APLF: variants seen among roughly 807,000 people sequenced by gnomAD.
APLF encodes the protein aprataxin and PNKP like factor, also known as aprataxin and PNK-like factor.
A neutral mutation model predicts 55.6 loss-of-function variants in APLF; 61 were observed. That is an observed-to-expected ratio of 1.10 (90% confidence interval 0.89 to 1.36). The LOEUF (loss-of-function observed/expected upper bound fraction) is 1.36. Ranked by LOEUF, APLF falls within the 40% of genes most tolerant of loss-of-function variation. APLF has a pLI of 0.00. For missense variants in APLF, 611 were observed against 602.5 expected, an observed-to-expected ratio of 1.01 and a Z score of -0.15; for synonymous variants, 207 against 214.8, an observed-to-expected ratio of 0.96 and a Z score of 0.32.
chr2:68,503,243 A>T (rs958379413), intron 3 of APLF, among the ~76,000 whole-genome samples: 2 of 152,036 alleles, frequency 1.3e-5, no homozygotes, highest in African/African-American at 4.8e-5. Flanking sequence ...CCTTTTCCTC[A>T]TTTTTTTAGC....
At chr2:68,467,906 G>C (rs1199732756) in intron 1 of APLF, 79 bp downstream of exon 1, 1 of 1,126,692 alleles carries the variant, frequency 8.9e-7, no homozygotes, top group Admixed American at 4.2e-5. Flanking sequence ...CCCTAGTCCT[G>C]GCCGGTTTCC....
intron 7 of APLF, among the ~76,000 whole-genome samples, chr2:68,543,981 CTTT>C (rs71395974): frequency 1.2e-4 from 15 of 128,928 alleles, no homozygotes; most frequent in Admixed American, 2.3e-4. Flanking sequence ...ATTGTATTTT[CTTT>C]TTTTTTTTTT....
At chr2:68,566,552 C>T (rs990962648) in intron 8 of APLF, among the ~76,000 whole-genome samples, 5 of 152,094 alleles carry the variant, frequency 3.3e-5, no homozygotes, top group African/African-American at 9.7e-5. Context: ...CAGGTATATT[C>T]GAAAGTTGTC....
chr2:68,536,493 G>A (rs1670391879), intron 6 of APLF, among the ~76,000 whole-genome samples: 1 of 152,068 alleles, frequency 6.6e-6, no homozygotes, highest in Admixed American at 6.6e-5. Flanking sequence ...CTGGTATGTT[G>A]TTATCACATC....
chr2:68,499,169 G>T lies in APLF; in HGVS notation c.169-3562G>T, dbSNP rs559830221. On this transcript the variant is annotated intron_variant, in intron 2 of 9. Transcript: ENST00000303795. ...GTATTTTAGTTTCATTTTTTGCAGGGATAATGCATCCTTTGCACCACTTCT... is the reference window on the plus strand; with the variant it reads ...GTATTTTAGTTTCATTTTTTGCAGGTATAATGCATCCTTTGCACCACTTCT... Among the ~76,000 whole-genome samples, 9 of 152,174 alleles carry T rather than the reference G, an allele frequency of 5.9e-5. No homozygotes were observed. The East Asian group carries it at 1.7e-3, about 29-fold the overall frequency.
At chr2:68,482,990 T>C (rs1317075216) in intron 1 of APLF, among the ~76,000 whole-genome samples, 1 of 151,584 alleles carries the variant, frequency 6.6e-6, no homozygotes, top group Non-Finnish European at 1.5e-5. Flanking sequence ...ACCAGAGTCA[T>C]GACTGTCCCT....
At chr2:68,575,224 G>T (rs1181381171) in intron 9 of APLF, among the ~76,000 whole-genome samples, 1 of 152,154 alleles carries the variant, frequency 6.6e-6, no homozygotes, top group Non-Finnish European at 1.5e-5. Context: ...AGCAAGCCAG[G>T]TGATTATCTA....
intron 7 of APLF, among the ~76,000 whole-genome samples, chr2:68,543,635 C>CT (rs1558548683): frequency 6.6e-6 from 1 of 152,096 alleles, no homozygotes; most frequent in African/African-American, 2.4e-5. Flanking sequence ...AAGGCTTATA[C>CT]GAGAATGCTC....
At position 68,529,327 on chromosome 2, in the gene APLF, G is replaced by T; in HGVS notation, c.804+3085G>T. The T allele has an allele frequency of 7.4e-7, 1 of 1,351,770 alleles. No homozygotes were observed. The highest frequency in any genetic ancestry group is 9.5e-7 in the Non-Finnish European group (1 of 1,052,928). 83.7% of individuals were successfully genotyped at this position (1,351,770 alleles called of 1,614,324 possible). On this transcript the variant is annotated intron_variant, in intron 6 of 9. Coordinates refer to ENST00000303795, the MANE Select transcript of APLF (RefSeq NM_173545.3). The surrounding 1 kb of genome is among the most constrained non-coding windows in gnomAD (Gnocchi z 4.4). Reference sequence around the variant, plus strand: ...GTGGGAAACAGCCAAAGAGTCCTGGGGCAGGCACAGGTGCAGGAGCCGCGG... The same window carrying T: ...GTGGGAAACAGCCAAAGAGTCCTGGTGCAGGCACAGGTGCAGGAGCCGCGG...
At chr2:68,476,438 G>A (rs1157967032) in intron 1 of APLF, among the ~76,000 whole-genome samples, 2 of 145,728 alleles carry the variant, frequency 1.4e-5, no homozygotes, top group East Asian at 4.0e-4. Context: ...AGCTGAGATT[G>A]TGCCATTGCA....
At chr2:68,510,383 A>C (rs1201635754) in intron 3 of APLF, among the ~76,000 whole-genome samples, 2 of 151,810 alleles carry the variant, frequency 1.3e-5, no homozygotes, top group African/African-American at 4.8e-5. Context: ...TTGAATAGAC[A>C]TTTTTCCAAA....
At chr2:68,545,368 T>A (rs372402157) in intron 8 of APLF, 56 bp downstream of exon 8, 5 of 1,553,908 alleles carry the variant, frequency 3.2e-6, no homozygotes, top group Non-Finnish European at 4.4e-6. Context: ...CTGTTACTTA[T>A]CTAGGAGAAA....
chr2:68,513,954 C>G (rs1384753194), intron 5 of APLF, among the ~76,000 whole-genome samples: 1 of 151,726 alleles, frequency 6.6e-6, no homozygotes, highest in Non-Finnish European at 1.5e-5. Context: ...AAACAAACCT[C>G]TTGGTGCTAT....
chr2:68,500,576 C>T (rs981658471), intron 2 of APLF, among the ~76,000 whole-genome samples: 9 of 152,112 alleles, frequency 5.9e-5, no homozygotes, highest in African/African-American at 1.7e-4. Flanking sequence ...CAGTATTTAA[C>T]GTTGTTTAGA....
In APLF at chr2:68,578,082, T is replaced by A; in HGVS notation, c.*60T>A. 2 of 1,551,662 alleles carry A rather than the reference T, an allele frequency of 1.3e-6. No homozygotes were observed. The highest frequency in any genetic ancestry group is 2.4e-5 in the South Asian group (2 of 82,562). ...TACTTTTTCTTTGTGGGAAAACATT[T>A]ATGAACTAAGGAGGTACTTAAGTGA... On this transcript the variant is annotated 3_prime_UTR_variant, in exon 10 of 10. Coordinates refer to ENST00000303795, the MANE Select transcript of APLF (RefSeq NM_173545.3).
At chr2:68,472,162 C>T (rs568154553) in intron 1 of APLF, among the ~76,000 whole-genome samples, 1 of 152,092 alleles carries the variant, frequency 6.6e-6, no homozygotes, top group African/African-American at 2.4e-5. Context: ...TCTCAGATAG[C>T]GGACTTCAGA....
chr2:68,535,309 C>T, intron 6 of APLF: 1 of 439,050 alleles, frequency 2.3e-6, no homozygotes, highest in East Asian at 7.8e-5. Context: ...ATGGAAGTAT[C>T]AGAAGCATTT....
chr2:68,532,448 C>G (rs13402396), intron 6 of APLF, among the ~76,000 whole-genome samples: 12,682 of 152,176 alleles, frequency 0.083, 588 homozygotes, highest in Middle Eastern at 0.12. Context: ...TTAAACTCTC[C>G]CAATTTTAGT....
chr2:68,528,714 G>A lies in APLF; in HGVS notation c.804+2472G>A, dbSNP rs530903525. 2.3e-3 allele frequency: 3,417 copies of A among 1,513,552 alleles called. 6 individuals are homozygous for A. The highest frequency in any genetic ancestry group is 5.1e-3 in the Middle Eastern group (22 of 4,324). 93.8% of individuals were successfully genotyped at this position (1,513,552 alleles called of 1,614,324 possible). A position where few individuals can be genotyped will look rare whatever the true frequency, so the allele number is the denominator to read the frequency against. The stretch of plus-strand genomic sequence containing the variant: ...GGAAGTGGGTCAGGCTTCCCAAAGG[G>A]AAGGATGCCTCCAGCAGGGCTGTGT... On this transcript the variant is annotated intron_variant, in intron 6 of 9. Coordinates refer to ENST00000303795, the MANE Select transcript of APLF (RefSeq NM_173545.3).
Sources: gnomAD v4.1 joint callset for allele counts (sites outside exome capture counted in the v4.1 genomes callset) on GRCh38, gnomAD v4.1.1 for gene constraint, Gnocchi (gnomAD v3.1) non-coding constraint, MANE v1.5 for transcripts, NCBI Gene and HGNC (gene_info 2026-07-23, HGNC 2026-07-21) for gene names.